The following TLN2 variants were observed in gnomAD, a reference collection of about 807,000 sequenced individuals.
TLN2 encodes the protein talin 2.
TLN2 carries 118 observed loss-of-function variants against 294.7 expected under a neutral mutation model. The observed-to-expected ratio is 0.40, with a 90% confidence interval of 0.34 to 0.47. The LOEUF is 0.47. Ranked by LOEUF, TLN2 falls within the 20% of genes least tolerant of loss-of-function variation. The pLI is 0.84. For synonymous variants in TLN2, 1,431 were observed against 1,304.5 expected (o/e 1.10, Z -2.09); for missense variants, 3,083 against 3,282.2 (o/e 0.94, Z 1.48).
At chr15:62,447,862 GT>G (rs1252254441) in intron 1 of TLN2, among the ~76,000 whole-genome samples, 4 of 152,148 alleles carry the variant, frequency 2.6e-5, no homozygotes, top group African/African-American at 9.7e-5. Flanking sequence ...TGCATTTCTG[GT>G]TTTGTTCCTG....
At chr15:62,527,869 A>G (rs1365183365) in intron 1 of TLN2, among the ~76,000 whole-genome samples, 1 of 152,242 alleles carries the variant, frequency 6.6e-6, no homozygotes, top group Admixed American at 6.5e-5. Flanking sequence ...TGAATCCTAT[A>G]GCCACTAACC....
chr15:62,567,729 G>T lies in TLN2; in HGVS notation c.-237-21958G>T, dbSNP rs139084576. 3.6e-3 allele frequency among the ~76,000 whole-genome samples: 541 copies of T among 152,266 alleles called. 2 individuals are homozygous for T. Among genetic ancestry groups the T allele is most frequent in the Admixed American group, 5.8e-3 (89 of 15,296 alleles). ...GCGCGCCTGTAATCCCAGCTACTTGGGGGTGGGGTTGAGGAAGGAGAATTG... is the reference window on the plus strand; with the variant it reads ...GCGCGCCTGTAATCCCAGCTACTTGTGGGTGGGGTTGAGGAAGGAGAATTG... On this transcript the variant is annotated intron_variant, in intron 1 of 58. Transcript: ENST00000636159.
intron 1 of TLN2, among the ~76,000 whole-genome samples, chr15:62,576,948 G>A (rs2044472455): frequency 6.6e-6 from 1 of 152,098 alleles, no homozygotes; most frequent in Admixed American, 6.5e-5. Flanking sequence ...TGAGGTCTGG[G>A]AGGGCAGGTG....
At chr15:62,564,920 A>AT (rs1156986639) in intron 1 of TLN2, among the ~76,000 whole-genome samples, 2,450 of 132,134 alleles carry the variant, frequency 0.019, 14 homozygotes, top group Middle Eastern at 0.039. Context: ...AAAAAAAAAA[A>AT]AAAAAATATA....
intron 1 of TLN2, among the ~76,000 whole-genome samples, chr15:62,429,622 G>C (rs1207349375): frequency 1.3e-5 from 2 of 152,188 alleles, no homozygotes; most frequent in African/African-American, 4.8e-5. Flanking sequence ...GTTTTCTTTA[G>C]ACATGCCAAC....
intron 2 of TLN2, among the ~76,000 whole-genome samples, chr15:62,605,994 A>G (rs1202461316): frequency 6.6e-6 from 1 of 152,228 alleles, no homozygotes; most frequent in African/African-American, 2.4e-5. Context: ...GTGTTACACC[A>G]GTGTCACTAG....
At chr15:62,456,538 C>T (rs1175857862) in intron 1 of TLN2, among the ~76,000 whole-genome samples, 1 of 152,180 alleles carries the variant, frequency 6.6e-6, no homozygotes, top group East Asian at 1.9e-4. Flanking sequence ...TCTTGGTATT[C>T]AGAATTCACA....
chr15:62,755,177 C>T (rs1325163358), intron 36 of TLN2: 2 of 177,518 alleles, frequency 1.1e-5, no homozygotes, highest in Non-Finnish European at 2.3e-5. Context: ...AAGTGACTGC[C>T]AGAAAACTTA....
At chr15:62,482,162 C>T (rs2038137059) in intron 1 of TLN2, among the ~76,000 whole-genome samples, 3 of 152,082 alleles carry the variant, frequency 2.0e-5, no homozygotes, top group Non-Finnish European at 4.4e-5. Context: ...CTCATTCTTC[C>T]GTTCCTGGGT....
At chr15:62,805,359 T>C (rs2066205823) in intron 50 of TLN2, among the ~76,000 whole-genome samples, 1 of 152,196 alleles carries the variant, frequency 6.6e-6, no homozygotes, top group South Asian at 2.1e-4. Context: ...ACACTCTAGA[T>C]ACGTCTCCCT....
At chr15:62,503,940 G>T (rs961909657) in intron 1 of TLN2, among the ~76,000 whole-genome samples, 1 of 151,994 alleles carries the variant, frequency 6.6e-6, no homozygotes, top group Non-Finnish European at 1.5e-5. Context: ...GGAATCTCAC[G>T]TAGAAAAAAG....
At chr15:62,480,567 AG>A (rs1439839883) in intron 1 of TLN2, among the ~76,000 whole-genome samples, 4 of 152,228 alleles carry the variant, frequency 2.6e-5, no homozygotes, top group Admixed American at 2.6e-4. Context: ...AAGTTAGAAA[AG>A]TAATTTACAA....
intron 42 of TLN2, 98 bp from the exon 43 acceptor site, chr15:62,776,666 G>A (rs780421924): frequency 8.7e-7 from 1 of 1,154,084 alleles, no homozygotes; most frequent in South Asian, 3.8e-5. Context: ...GCTCCATTGT[G>A]GGGGTATGGT....
chr15:62,697,137 T>G (rs185953225), intron 14 of TLN2, among the ~76,000 whole-genome samples: 276 of 152,358 alleles, frequency 1.8e-3, no homozygotes, highest in Non-Finnish European at 2.4e-3. Flanking sequence ...AGACAGAGTC[T>G]CACTCTTTTG....
intron 1 of TLN2, among the ~76,000 whole-genome samples, chr15:62,581,329 C>T (rs971108122): frequency 1.2e-4 from 19 of 152,278 alleles, no homozygotes; most frequent in African/African-American, 3.9e-4. Flanking sequence ...GACTTGATAG[C>T]GCTTTTCTTT....
At chr15:62,622,434 C>T (rs75900670) in intron 3 of TLN2, among the ~76,000 whole-genome samples, 1 of 152,078 alleles carries the variant, frequency 6.6e-6, no homozygotes, top group East Asian at 1.9e-4. Context: ...ACCCAATATC[C>T]ATTCAGTCCA....
intron 1 of TLN2, among the ~76,000 whole-genome samples, chr15:62,481,527 T>C (rs1236480362): frequency 6.6e-6 from 1 of 152,144 alleles, no homozygotes; most frequent in African/African-American, 2.4e-5. Context: ...CATGCCTAGC[T>C]AATTTTTTAT....
intron 1 of TLN2, among the ~76,000 whole-genome samples, chr15:62,394,454 T>C (rs949488483): frequency 6.6e-6 from 1 of 152,228 alleles, no homozygotes; most frequent in Admixed American, 6.5e-5. Flanking sequence ...GAATTACAGC[T>C]TAACATACCC....
intron 1 of TLN2, among the ~76,000 whole-genome samples, chr15:62,531,085 A>G (rs1310613925): frequency 6.6e-6 from 1 of 152,184 alleles, no homozygotes; most frequent in Admixed American, 6.5e-5. Context: ...TTGAGTGTTT[A>G]CCCAAAAGAT....
Sources: allele counts gnomAD v4.1 joint callset (sites outside exome capture counted in the v4.1 genomes callset), GRCh38; gene constraint gnomAD v4.1.1; transcripts MANE v1.5; gene names NCBI Gene and HGNC (gene_info 2026-07-23, HGNC 2026-07-21).